The following NFIA variants were observed in gnomAD, a reference collection of about 807,000 sequenced individuals.
NFIA encodes the protein nuclear factor 1 A-type.
Under a neutral mutation model 62.8 loss-of-function variants are expected in NFIA, and 8 were observed. The ratio of observed to expected loss-of-function variants is 0.13; its 90% CI spans 0.07 to 0.23. The LOEUF is 0.23. Among genes scored for constraint, NFIA ranks in the 10% least tolerant of loss-of-function variants. The pLI is 1.00. For missense variants in NFIA, 410 were observed against 642.1 expected, an observed-to-expected ratio of 0.64 and a Z score of 3.91; for synonymous variants, 235 against 238.1, an observed-to-expected ratio of 0.99 and a Z score of 0.12.
intron 7 of NFIA, among the ~76,000 whole-genome samples, chr1:61,389,337 A>G (rs778339435): frequency 1.3e-5 from 2 of 152,310 alleles, no homozygotes; most frequent in East Asian, 3.9e-4. Flanking sequence ...TTTTCATAGG[A>G]TCTTCTGCAG....
chr1:61,261,377 T>C (rs74086708), intron 2 of NFIA, among the ~76,000 whole-genome samples: 10,556 of 152,342 alleles, frequency 0.069, 383 homozygotes, highest in East Asian at 0.13. Context: ...TTCAGTACAG[T>C]ATTCAATAAA....
intron 2 of NFIA, among the ~76,000 whole-genome samples, chr1:61,201,520 CAA>C (rs200763519): frequency 4.3e-5 from 4 of 92,256 alleles, no homozygotes; most frequent in African/African-American, 1.6e-4. Flanking sequence ...AACTAAAAAA[CAA>C]AAAAAAAAAA....
At chr1:61,161,188 T>A (rs1482569237) in intron 2 of NFIA, among the ~76,000 whole-genome samples, 1 of 152,248 alleles carries the variant, frequency 6.6e-6, no homozygotes, top group Non-Finnish European at 1.5e-5. Context: ...GTGCTGGGAT[T>A]ACAGGTGTGC....
At chr1:61,286,212 G>A (rs1470803521) in intron 3 of NFIA, among the ~76,000 whole-genome samples, 1 of 151,974 alleles carries the variant, frequency 6.6e-6, no homozygotes, top group Non-Finnish European at 1.5e-5. Flanking sequence ...CGGATCACGA[G>A]GTCAGGGGAT....
chr1:61,145,345 G>A (rs1430081453), intron 2 of NFIA, among the ~76,000 whole-genome samples: 1 of 152,148 alleles, frequency 6.6e-6, no homozygotes, highest in Non-Finnish European at 1.5e-5. Context: ...GTGCAATTAT[G>A]AGGAGGATGT....
At chr1:61,306,332 A>G (rs2100339971) in intron 3 of NFIA, among the ~76,000 whole-genome samples, 1 of 123,004 alleles carries the variant, frequency 8.1e-6, no homozygotes, top group Admixed American at 1.1e-4. Flanking sequence ...GCTGGAGTGC[A>G]GTGAAGCCAT....
At chr1:61,333,076 CACACACACACACACAT>C (rs1661393498) in intron 4 of NFIA, among the ~76,000 whole-genome samples, 1 of 151,346 alleles carries the variant, frequency 6.6e-6, no homozygotes, top group Non-Finnish European at 1.5e-5. Flanking sequence ...CATACACACA[CACACACACACACACAT>C]ACACAGTTGC....
chr1:61,108,843 C>G (rs1466579602), intron 2 of NFIA, among the ~76,000 whole-genome samples: 1 of 151,774 alleles, frequency 6.6e-6, no homozygotes, highest in Non-Finnish European at 1.5e-5. Context: ...ATTCTCCTCA[C>G]AAATTACTTT....
intron 3 of NFIA, among the ~76,000 whole-genome samples, chr1:61,282,672 G>T (rs1012441474): frequency 2.0e-5 from 3 of 152,066 alleles, no homozygotes; most frequent in African/African-American, 4.8e-5. Context: ...CACCCCCACT[G>T]GCTCTCACTG....
At chr1:61,307,029 T>G (rs1339695455) in intron 3 of NFIA, among the ~76,000 whole-genome samples, 1 of 152,194 alleles carries the variant, frequency 6.6e-6, no homozygotes, top group East Asian at 1.9e-4. Context: ...GGTTGGTGAA[T>G]GCAGCACAGA....
intron 5 of NFIA, among the ~76,000 whole-genome samples, chr1:61,353,011 G>C (rs1419739323): frequency 3.3e-5 from 5 of 152,052 alleles, no homozygotes; most frequent in Non-Finnish European, 5.9e-5. Context: ...GAAGGACAAG[G>C]CTGGACTGCA....
intron 3 of NFIA, among the ~76,000 whole-genome samples, chr1:61,298,469 G>A (rs975229385): frequency 2.0e-5 from 3 of 152,050 alleles, no homozygotes. Flanking sequence ...ACAAAGAAAC[G>A]ATCAGTTCAC....
intron 9 of NFIA, among the ~76,000 whole-genome samples, chr1:61,423,336 T>C (rs1666721501): frequency 6.6e-6 from 1 of 152,142 alleles, no homozygotes; most frequent in Non-Finnish European, 1.5e-5. Flanking sequence ...AGGATTCTTA[T>C]AATAAGATTA....
chr1:61,283,313 GTAA>G (rs1157735274), intron 3 of NFIA, among the ~76,000 whole-genome samples: 2 of 151,810 alleles, frequency 1.3e-5, no homozygotes, highest in Non-Finnish European at 2.9e-5. Context: ...GCTCACGCCT[GTAA>G]TCCTAGCACT....
intron 2 of NFIA, among the ~76,000 whole-genome samples, chr1:61,123,986 T>C (rs1646929464): frequency 6.6e-6 from 1 of 152,224 alleles, no homozygotes; most frequent in Non-Finnish European, 1.5e-5. Flanking sequence ...CAGATTCCTT[T>C]TTCTTGAAGC....
intron 3 of NFIA, among the ~76,000 whole-genome samples, chr1:61,281,759 G>T (rs1488842944): frequency 6.6e-6 from 1 of 152,104 alleles, no homozygotes; most frequent in African/African-American, 2.4e-5. Context: ...AAACCAAATA[G>T]AATCTGGCTT....
chr1:61,395,693 T>C (rs1422844029), intron 7 of NFIA, among the ~76,000 whole-genome samples: 1 of 152,206 alleles, frequency 6.6e-6, no homozygotes, highest in African/African-American at 2.4e-5. Flanking sequence ...ACATTTCACA[T>C]CAGCCATCAT....
At position 61,462,024 on chromosome 1, in the gene NFIA, G is replaced by GTTTT. The variant is rs368139522; in HGVS notation, c.*6719_*6722dup. 74 of 73,188 alleles carry GTTTT rather than the reference G, an allele frequency of 1.0e-3. No individual in the cohort carries two copies. Among genetic ancestry groups the GTTTT allele is most frequent in the African/African-American group, 4.8e-3 (72 of 14,916 alleles). The allele number at this position is 73,188 out of a possible 1,614,324, so 4.5% of individuals were successfully genotyped here. A position where few individuals can be genotyped will look rare whatever the true frequency, so the allele number is the denominator to read the frequency against. ...ATAGTCTGTAAGTTAGCCTTTTTGGGTTTTTTTTTTTTTTTTTTGGCTTTT... is the reference window on the plus strand; with the variant it reads ...ATAGTCTGTAAGTTAGCCTTTTTGGGTTTTTTTTTTTTTTTTTTTTTTGGCTTTT... On this transcript the variant is annotated 3_prime_UTR_variant, in exon 11 of 11. Transcript: ENST00000403491.
Position 61,082,806 on chromosome 1 carries a change from C to A in NFIA, c.15C>A (p.Leu5=). The change falls in exon 1 of 11, where the codon CTC becomes CTA. Residue 5 remains leucine, a synonymous_variant. Coordinates refer to ENST00000403491, the MANE Select transcript of NFIA (RefSeq NM_001134673.4). Reference sequence around the variant, plus strand: ...GCCCGGCAGTTATGTATTCTCCGCTCTGTCTCACCCAGGTAAGCCGCGGCG... The same window carrying A: ...GCCCGGCAGTTATGTATTCTCCGCTATGTCTCACCCAGGTAAGCCGCGGCG... MYSP[L]CLTQDEFHPF... The A allele has an allele frequency of 1.9e-6, 3 of 1,549,380 alleles. No homozygotes were observed. The highest frequency in any genetic ancestry group is 2.6e-6 in the Non-Finnish European group (3 of 1,146,030).
Sources: gnomAD v4.1 joint callset for allele counts (sites outside exome capture counted in the v4.1 genomes callset) on GRCh38, gnomAD v4.1.1 for gene constraint, MANE v1.5 for transcripts, NCBI Gene and HGNC (gene_info 2026-07-23, HGNC 2026-07-21) for gene names.